Variants in DEPDC1B observed in about 807,000 individuals in gnomAD.
The protein encoded by DEPDC1B is DEP domain containing 1B.
In DEPDC1B, 51 loss-of-function variants were observed where a neutral mutation model predicts 66.5. The observed-to-expected ratio is 0.77, with a 90% CI of 0.61 to 0.97. DEPDC1B has a LOEUF of 0.97. DEPDC1B is among the 50% of genes least tolerant of loss of function. The pLI is 0.00. For missense variants in DEPDC1B, 552 were observed against 637.1 expected (o/e 0.87, Z 1.44); for synonymous variants, 226 against 223.6 (o/e 1.01, Z -0.10).
At chr5:60,671,659 T>C (rs1466058800) in intron 2 of DEPDC1B, among the ~76,000 whole-genome samples, 1 of 152,210 alleles carries the variant, frequency 6.6e-6, no homozygotes, top group Non-Finnish European at 1.5e-5. Flanking sequence ...TTGCCTCCTG[T>C]TCCCTTCCCC....
intron 2 of DEPDC1B, among the ~76,000 whole-genome samples, chr5:60,673,233 TCAGC>T (rs1349793372): frequency 2.0e-5 from 3 of 152,186 alleles, no homozygotes; most frequent in Non-Finnish European, 4.4e-5. Context: ...AGTTAATTCC[TCAGC>T]CCTCCTATAA....
At chr5:60,647,277 A>G (rs1753340650) in intron 3 of DEPDC1B, 121 bp downstream of exon 3, 10 of 1,278,916 alleles carry the variant, frequency 7.8e-6, no homozygotes, top group Middle Eastern at 2.3e-4. Context: ...GGCAGGTACA[A>G]TTTTGTTTTA....
At chr5:60,651,529 T>TAAAAAAAAAAAAAA (rs35534827) in intron 2 of DEPDC1B, among the ~76,000 whole-genome samples, 1 of 132,374 alleles carries the variant, frequency 7.6e-6, no homozygotes, top group African/African-American at 2.9e-5. Context: ...AGACTCCACC[T>TAAAAAAAAAAAAAA]AAAAAAAAAA....
intron 6 of DEPDC1B, among the ~76,000 whole-genome samples, chr5:60,640,821 G>A (rs1162667578): frequency 6.6e-6 from 1 of 152,146 alleles, no homozygotes; most frequent in Non-Finnish European, 1.5e-5. Context: ...AACATGAATT[G>A]GGACTTATTA....
At chr5:60,618,894 G>A (rs916137389) in intron 7 of DEPDC1B, among the ~76,000 whole-genome samples, 11 of 152,052 alleles carry the variant, frequency 7.2e-5, no homozygotes, top group African/African-American at 2.7e-4. Flanking sequence ...CCTCAATAAA[G>A]TACTGGCAAA....
chr5:60,698,962 TGAA>T (rs1297997093), intron 1 of DEPDC1B, among the ~76,000 whole-genome samples: 2 of 152,170 alleles, frequency 1.3e-5, no homozygotes, highest in Admixed American at 6.5e-5. Flanking sequence ...CAGTTTTCTG[TGAA>T]GAAGATCCTT....
chr5:60,675,996 C>T (rs1414242767), intron 2 of DEPDC1B, among the ~76,000 whole-genome samples: 2 of 151,284 alleles, frequency 1.3e-5, no homozygotes, highest in Non-Finnish European at 2.9e-5. Flanking sequence ...GGCACAATCT[C>T]GGCTCACTGC....
chr5:60,622,744 A>G (rs1182052786), intron 7 of DEPDC1B, among the ~76,000 whole-genome samples: 1 of 152,364 alleles, frequency 6.6e-6, no homozygotes, highest in African/African-American at 2.4e-5. Flanking sequence ...ACATGGTAGT[A>G]TCTCATTGTG....
chr5:60,644,829 C>T lies in DEPDC1B; in HGVS notation c.625G>A (p.Val209Ile), dbSNP rs112568063. The change falls in exon 5 of 11, where the codon GTC (valine) becomes ATC (isoleucine). Residue 209 changes from valine (V) to isoleucine (I), a missense_variant. Physicochemically the swap from Val to Ile is conservative, Grantham distance 29. Coordinates refer to ENST00000265036, the MANE Select transcript of DEPDC1B (RefSeq NM_018369.3). ...ATGAACTTCGAATTGACAAGTTTGA[C>T]GTCTAAAACTTCTTCTAAGGAATCC... ...GLDSLEEVLD[V>I]KLVNSKFIIH... 992 of 1,610,510 alleles carry T rather than the reference C, an allele frequency of 6.2e-4. 13 individuals carry two copies. In the African/African-American group the frequency reaches 0.011, roughly 17 times the overall value.
chr5:60,697,777 A>T (rs977375061), intron 1 of DEPDC1B, among the ~76,000 whole-genome samples: 1 of 152,210 alleles, frequency 6.6e-6, no homozygotes, highest in African/African-American at 2.4e-5. Flanking sequence ...TGTTTGTTTC[A>T]TTAATTATCC....
chr5:60,644,903 G>C, intron 4 of DEPDC1B, 28 bp from the exon 5 acceptor site: 1 of 1,510,798 alleles, frequency 6.6e-7, no homozygotes, highest in Non-Finnish European at 9.0e-7. Flanking sequence ...ATATTAATTA[G>C]TTCTGTCTTT....
chr5:60,622,680 C>T (rs1237440419), intron 7 of DEPDC1B, among the ~76,000 whole-genome samples: 1 of 152,208 alleles, frequency 6.6e-6, no homozygotes, highest in Non-Finnish European at 1.5e-5. Flanking sequence ...CCAGGAGCCC[C>T]ACACTCACCA....
intron 7 of DEPDC1B, among the ~76,000 whole-genome samples, chr5:60,631,700 G>T: frequency 6.6e-6 from 1 of 152,154 alleles, no homozygotes. Context: ...CTATTACATA[G>T]AATAAATTGC....
chr5:60,649,753 GAC>G (rs2111897306), intron 2 of DEPDC1B, among the ~76,000 whole-genome samples: 1 of 152,048 alleles, frequency 6.6e-6, no homozygotes, highest in East Asian at 1.9e-4. Flanking sequence ...ACAAAAAAAA[GAC>G]AGTGTGCCCC....
At chr5:60,614,676 G>A (rs952277954) in intron 7 of DEPDC1B, among the ~76,000 whole-genome samples, 2 of 152,114 alleles carry the variant, frequency 1.3e-5, no homozygotes, top group Non-Finnish European at 2.9e-5. Flanking sequence ...ATCAAAATAT[G>A]AAATGTTAGG....
At chr5:60,651,548 AC>A (rs1379280895) in intron 2 of DEPDC1B, among the ~76,000 whole-genome samples, 1 of 151,400 alleles carries the variant, frequency 6.6e-6, no homozygotes, top group Non-Finnish European at 1.5e-5. Context: ...AACAAAAAAA[AC>A]AAAAAAAAAA....
chr5:60,699,911 T>C, intron 1 of DEPDC1B, 135 bp downstream of exon 1: 2 of 1,060,430 alleles, frequency 1.9e-6, no homozygotes, highest in South Asian at 1.5e-5. Flanking sequence ...GCAGCCCCAG[T>C]AGTCCCAGCT....
intron 7 of DEPDC1B, among the ~76,000 whole-genome samples, chr5:60,609,239 A>T (rs746753545): frequency 6.6e-6 from 1 of 152,074 alleles, no homozygotes; most frequent in Non-Finnish European, 1.5e-5. Flanking sequence ...ACCATCCTTG[A>T]CTCATAAACA....
intron 1 of DEPDC1B, among the ~76,000 whole-genome samples, chr5:60,696,259 T>C (rs1754653608): frequency 6.6e-6 from 1 of 152,236 alleles, no homozygotes; most frequent in South Asian, 2.1e-4. Flanking sequence ...CTATTGCTAC[T>C]GACTTTTATT....
Sources: allele counts gnomAD v4.1 joint callset (sites outside exome capture counted in the v4.1 genomes callset), GRCh38; gene constraint gnomAD v4.1.1; transcripts MANE v1.5; gene names NCBI Gene and HGNC (gene_info 2026-07-23, HGNC 2026-07-21).